The following CD109 variants were observed in gnomAD, a reference collection of about 807,000 sequenced individuals.
CD109 encodes CD109 antigen.
CD109 carries 149 observed loss-of-function variants against 165.8 expected under a neutral mutation model. The observed-to-expected ratio is 0.90, with a 90% confidence interval of 0.79 to 1.03. CD109 has a LOEUF of 1.03. CD109 is among the 50% of genes least tolerant of loss of function. The pLI is 0.00. For missense variants in CD109, 1,712 were observed against 1,677.8 expected (o/e 1.02, Z -0.36); for synonymous variants, 585 against 592.1 (o/e 0.99, Z 0.18).
intron 10 of CD109, among the ~76,000 whole-genome samples, chr6:73,765,552 G>C (rs1408728800): frequency 6.6e-6 from 1 of 152,066 alleles, no homozygotes; most frequent in Admixed American, 6.5e-5. Flanking sequence ...TTTGGCTTTA[G>C]GGTACAATCA....
At chr6:73,685,982 C>T in the CD109 span, among the ~76,000 whole-genome samples, 1 of 152,302 alleles carries the variant, frequency 6.6e-6, no homozygotes, top group African/African-American at 2.4e-5. Flanking sequence ...TGAGAGTATG[C>T]ATTCTTGTCT....
chr6:73,811,612 T>G (rs3005485), intron 28 of CD109, among the ~76,000 whole-genome samples: 63,041 of 151,950 alleles, frequency 0.41, 13,917 homozygotes, highest in Middle Eastern at 0.52. Flanking sequence ...ACCATGTTCT[T>G]TTCAGCTGCT....
chr6:73,715,959 C>T (rs1771729074), intron 2 of CD109, among the ~76,000 whole-genome samples: 1 of 152,184 alleles, frequency 6.6e-6, no homozygotes, highest in Non-Finnish European at 1.5e-5. Context: ...CATCCTTCTA[C>T]ACTCTTATCT....
chr6:73,697,524 T>C lies in CD109; in HGVS notation c.199T>C (p.Ser67Pro). Residue 67 changes from serine to proline, a missense_variant, in exon 2 of 33, where the codon TCA becomes CCA. Ser to Pro is a moderately conservative substitution (Grantham distance 74). Transcript: ENST00000287097. ...TVKAELLKTA[S>P]NLTVSVLEAE... ...GAAGGCGGAGCTGCTCAAGACAGCA[T>C]CAAACCTCACTGTCTCTGTCCTGGA... 1 of 1,614,108 alleles carries C rather than the reference T, an allele frequency of 6.2e-7. No individual in the cohort carries two copies. The highest frequency in any genetic ancestry group is 8.5e-7 in the Non-Finnish European group (1 of 1,179,992).
intron 14 of CD109, among the ~76,000 whole-genome samples, chr6:73,769,873 G>A (rs1409314215): frequency 6.6e-6 from 1 of 152,180 alleles, no homozygotes; most frequent in East Asian, 1.9e-4. Flanking sequence ...AGTGGTTTGA[G>A]AGGCATGTCA....
chr6:73,694,178 C>T (rs1770745479), upstream of CD109: 1 of 152,202 alleles, frequency 6.6e-6, no homozygotes, highest in East Asian at 1.9e-4. Context: ...TGTGAACCAC[C>T]ACGCCTGGCC....
chr6:73,759,000 A>G lies in CD109; in HGVS notation c.730A>G (p.Lys244Glu). 6.2e-7 allele frequency: 1 copy of G among 1,606,332 alleles called. No homozygotes were observed. Among genetic ancestry groups the G allele is most frequent in the Non-Finnish European group, 8.5e-7 (1 of 1,173,482 alleles). ...ACCATTATATTGTTCTATGAATTCT[A>G]AGCATTTAAATGGTACCATCACGGC... ...QTPLYCSMNS[K>E]HLNGTITAKY... is the part of the protein sequence containing the mutation. The change falls in exon 7 of 33, where the codon AAG becomes GAG. Residue 244 changes from lysine to glutamate, a missense_variant. By Grantham distance (56) the Lys-to-Glu change is moderately conservative. Coordinates refer to ENST00000287097, the MANE Select transcript of CD109 (RefSeq NM_133493.5).
At position 73,781,403 on chromosome 6, in the gene CD109, T is replaced by G. The variant is rs1392741935; in HGVS notation, c.1963+84T>G. 2.6e-6 allele frequency: 3 copies of G among 1,168,038 alleles called. No individual in the cohort carries two copies. In the East Asian group the frequency reaches 7.1e-5, roughly 28 times the overall value. 72.4% of individuals were successfully genotyped at this position (1,168,038 alleles called of 1,614,324 possible). A position where few individuals can be genotyped will look rare whatever the true frequency, so the allele number is the denominator to read the frequency against. ...TATATAGGTATGGATATTTTTTAGA[T>G]GAACATAGAGATTGTGATTTTCATT... On this transcript the variant is annotated intron_variant, in intron 17 of 32. Coordinates refer to ENST00000287097, the MANE Select transcript of CD109 (RefSeq NM_133493.5).
chr6:73,775,722 C>A (rs1358339211), intron 15 of CD109, among the ~76,000 whole-genome samples: 1 of 152,132 alleles, frequency 6.6e-6, no homozygotes, highest in East Asian at 1.9e-4. Context: ...CTCTATGTGT[C>A]CATGTGTTCT....
chr6:73,814,634 C>T (rs916467825), intron 29 of CD109, among the ~76,000 whole-genome samples: 4 of 152,122 alleles, frequency 2.6e-5, no homozygotes, highest in African/African-American at 9.7e-5. Context: ...ATTTGGGCAA[C>T]AGGCCTTAGA....
intron 31 of CD109, 24 bp from the exon 32 acceptor site, chr6:73,820,437 T>G (rs1776069936): frequency 2.9e-6 from 4 of 1,388,914 alleles, no homozygotes; most frequent in African/African-American, 1.4e-5. Flanking sequence ...GCCAACCCCT[T>G]AAGACTCTTT....
At chr6:73,805,723 G>T in intron 24 of CD109, among the ~76,000 whole-genome samples, 1 of 152,168 alleles carries the variant, frequency 6.6e-6, no homozygotes. Flanking sequence ...CTGGGTACTT[G>T]AGATTAGGGA....
chr6:73,712,880 T>TA (rs1771590021), intron 2 of CD109, among the ~76,000 whole-genome samples: 1 of 152,204 alleles, frequency 6.6e-6, no homozygotes, highest in African/African-American at 2.4e-5. Context: ...GAACCTTACA[T>TA]AACAGAGTGT....
intron 29 of CD109, among the ~76,000 whole-genome samples, chr6:73,813,279 A>C (rs1450162459): frequency 6.6e-6 from 1 of 152,182 alleles, no homozygotes; most frequent in Non-Finnish European, 1.5e-5. Context: ...GCTGTCTTGC[A>C]ATCCAAGAGT....
rs1054980444 is a variant in CD109, at chr6:73,825,630, T to C, written c.*1997T>C. ...CTTTTTTAGACCATATTTCCTTGTT[T>C]AAAAACTATCATTTGAATACTTTTT... On this transcript the variant is annotated 3_prime_UTR_variant, in exon 33 of 33. Transcript: ENST00000287097. The C allele has an allele frequency of 6.6e-6, 1 of 152,248 alleles. No individual in the cohort carries two copies. Among genetic ancestry groups the C allele is most frequent in the African/African-American group, 2.4e-5 (1 of 41,464 alleles). The allele number at this position is 152,248 out of a possible 1,614,324, so 9.4% of individuals were successfully genotyped here.
chr6:73,689,335 T>C, the CD109 span, among the ~76,000 whole-genome samples: 105 of 152,300 alleles, frequency 6.9e-4, no homozygotes, highest in African/African-American at 2.4e-3. Flanking sequence ...GGCAGTCTTA[T>C]GGGAAGGAAC....
chr6:73,726,998 TC>T (rs1177175949), intron 3 of CD109, among the ~76,000 whole-genome samples: 1 of 151,894 alleles, frequency 6.6e-6, no homozygotes, highest in Non-Finnish European at 1.5e-5. Context: ...TTTCCCCCTT[TC>T]CCCCACCAAT....
Position 73,771,420 on chromosome 6 carries a change from CT to C in CD109, c.1675-3del. The C allele has an allele frequency of 6.3e-7, 1 of 1,596,054 alleles. No individual in the cohort carries two copies. Among genetic ancestry groups the C allele is most frequent in the South Asian group, 1.2e-5 (1 of 86,628 alleles). On this transcript the variant is annotated splice_region_variant and splice_polypyrimidine_tract_variant and intron_variant, in intron 14 of 32. Coordinates refer to ENST00000287097, the MANE Select transcript of CD109 (RefSeq NM_133493.5). ...GAAATAAGTTAATCCTCCTTTCTCT[CT>C]TTTTTAGATAAAGCTATATTGGAGT...
intron 20 of CD109, 88 bp from the exon 21 acceptor site, chr6:73,787,146 A>T: frequency 1.3e-6 from 1 of 775,114 alleles, no homozygotes; most frequent in Admixed American, 2.6e-5. Flanking sequence ...AGCCTCACAG[A>T]TTTGACAGTA....
Sources: gnomAD v4.1 joint callset for allele counts (sites outside exome capture counted in the v4.1 genomes callset) on GRCh38, gnomAD v4.1.1 for gene constraint, MANE v1.5 for transcripts, NCBI Gene and HGNC (gene_info 2026-07-23, HGNC 2026-07-21) for gene names.